ABCA2: variants seen among roughly 807,000 people sequenced by gnomAD.
ABCA2 encodes the protein ATP binding cassette subfamily A member 2.
A neutral mutation model predicts 262.8 loss-of-function variants in ABCA2; 84 were observed. The observed-to-expected ratio is 0.32, with a 90% CI of 0.27 to 0.38. ABCA2 has a LOEUF of 0.38. Ranked by LOEUF, ABCA2 falls within the 10% of genes least tolerant of loss-of-function variation. The probability of loss-of-function intolerance (pLI) is 1.00; values close to 1 mark genes in which losing one functional copy is unlikely to be tolerated. For synonymous variants in ABCA2, 1,696 were observed against 1,502.9 expected (o/e 1.13, Z -2.97); for missense variants, 2,662 against 3,405.9 (o/e 0.78, Z 5.44).
At position 137,019,241 on chromosome 9, in the gene ABCA2, C is replaced by G. The variant is rs549856095; in HGVS notation, c.1491G>C (p.Ser497=). ...GCTCCAGGAAGCTGCGGATCTCCGC[C>G]GAGATGTTGAGCCAGACCTGGGCAT... is the stretch of plus-strand genomic sequence containing the variant. ...THYAQVWLNI[S]AEIRSFLEQG... The change falls in exon 11 of 49, where the codon TCG becomes TCC. Residue 497 remains serine, a synonymous_variant. Coordinates refer to ENST00000341511, the MANE Select transcript of ABCA2 (RefSeq NM_001606.5). The surrounding 1 kb of genome is among the most constrained non-coding windows in gnomAD (Gnocchi z 4.4). The G allele has an allele frequency of 1.9e-6, 3 of 1,612,638 alleles. No homozygotes were observed. The highest frequency in any genetic ancestry group is 2.2e-5 in the East Asian group (1 of 44,862).
rs191623506 is a variant in ABCA2 at position 137,018,562 on chromosome 9, C to T, written c.1819+157G>A. ...GAGGGGGCGGGTTGTGGGTTGGGGC[C>T]GTTTGGAAGGGGCAGGGGTGGGGAG... On this transcript the variant is annotated intron_variant, in intron 13 of 48. Transcript: ENST00000341511. Among the ~76,000 whole-genome samples, 5 of 91,950 alleles carry T rather than the reference C, an allele frequency of 5.4e-5. No individual in the cohort carries two copies. In the East Asian group the frequency reaches 2.0e-3, roughly 36 times the overall value. The allele number at this position is 91,950 out of a possible 152,430, so 60.3% of individuals were successfully genotyped here.
chr9:137,007,538 G>A lies in ABCA2; in HGVS notation c.*391C>T, dbSNP rs139848278. ...CCAGCTCCGCCCACAGCCCGCTCTC[G>A]GCATCAGCCTTCATCGTAAGAGAGA... On this transcript the variant is annotated 3_prime_UTR_variant, in exon 49 of 49. Transcript: ENST00000341511. 1,749 of 282,176 alleles carry A rather than the reference G, an allele frequency of 6.2e-3. 9 individuals carry two copies. Among genetic ancestry groups the A allele is most frequent in the African/African-American group, 7.6e-3 (335 of 44,364 alleles). 17.5% of individuals were successfully genotyped at this position (282,176 alleles called of 1,614,324 possible).
chr9:137,008,370 G>A, intron 48 of ABCA2, 46 bp downstream of exon 48: 1 of 1,545,434 alleles, frequency 6.5e-7, no homozygotes, highest in East Asian at 2.4e-5. Flanking sequence ...GGCAGCCTGG[G>A]TCCAGTGGGC....
rs184422644 is a variant in ABCA2 at position 137,012,767 on chromosome 9, C to T, written c.5026G>A (p.Gly1676Ser). ...AGCAGGTACTCAGAGACATTGTGGCCGGTGATGTCGGTCAGGATGTCGCCT... is the reference window on the plus strand; with the variant it reads ...AGCAGGTACTCAGAGACATTGTGGCTGGTGATGTCGGTCAGGATGTCGCCT... ...VTGDILTDIT[G>S]HNVSEYLLFT... Residue 1676 changes from glycine (G) to serine (S), a missense_variant, in exon 31 of 49, where the codon GGC (glycine) becomes AGC (serine). Coordinates refer to ENST00000341511, the MANE Select transcript of ABCA2 (RefSeq NM_001606.5). 3.5e-4 allele frequency: 566 copies of T among 1,612,638 alleles called. 3 individuals are homozygous for T. In the East Asian group the frequency reaches 8.1e-3, roughly 23 times the overall value.
rs1457851870 is a variant in ABCA2, at chr9:137,015,459, G to A, written c.3652C>T (p.Arg1218Cys). The A allele has an allele frequency of 6.3e-6, 10 of 1,588,720 alleles. No individual in the cohort carries two copies. Among genetic ancestry groups the A allele is most frequent in the African/African-American group, 4.0e-5 (3 of 74,222 alleles). Reference protein sequence around the residue: ...FLKGTYGDGYRLTLVKRPAEP... With the variant: ...FLKGTYGDGYCLTLVKRPAEP... Reference sequence around the variant, plus strand: ...GCGGGCCGCTTGACCAGCGTGAGGCGGTACCCGTCGCCATAGGTGCCCTTG... The same window carrying A: ...GCGGGCCGCTTGACCAGCGTGAGGCAGTACCCGTCGCCATAGGTGCCCTTG... Residue 1218 changes from arginine (R) to cysteine (C), a missense_variant, in exon 24 of 49, where the codon CGC becomes TGC. Coordinates refer to ENST00000341511, the MANE Select transcript of ABCA2 (RefSeq NM_001606.5).
In ABCA2 at chr9:137,009,610, C is replaced by T. The variant is rs1239736622; in HGVS notation, c.6665G>A (p.Arg2222Gln). The change falls in exon 44 of 49, where the codon CGG (arginine) becomes CAG (glutamine). Residue 2222 changes from arginine (R) to glutamine (Q), a missense_variant. Physicochemically the swap from Arg to Gln is conservative, Grantham distance 43 (BLOSUM62 1). Around this residue, in one of 12 missense-constraint regions of ABCA2, gnomAD observed 602 missense variants for 897.4 expected, o/e 0.67. Transcript: ENST00000341511. Reference sequence around the variant, plus strand: ...AAGGATGAGGTTCCAGAGGAAGCGCCGGGCCTTGGGGTCCATGCCTGTGGT... The same window carrying T: ...AAGGATGAGGTTCCAGAGGAAGCGCTGGGCCTTGGGGTCCATGCCTGTGGT... ...EPTTGMDPKA[R>Q]RFLWNLILDL... 6.2e-7 allele frequency: 1 copy of T among 1,612,908 alleles called. No individual in the cohort carries two copies. The highest frequency in any genetic ancestry group is 8.5e-7 in the Non-Finnish European group (1 of 1,179,896).
Position 137,014,591 on chromosome 9 carries a change from C to G in ABCA2, c.4003+99G>C, listed in dbSNP as rs926069475. On this transcript the variant is annotated intron_variant, in intron 26 of 48. Transcript: ENST00000341511. ...GCGTCCCCTGGCTTCCACCCAGGAC[C>G]AGGGTGGCGCCCCCAGACACCAGGC... is the stretch of plus-strand genomic sequence containing the variant. The G allele has an allele frequency of 4.0e-6, 6 of 1,512,674 alleles. No individual in the cohort carries two copies. In the East Asian group the frequency reaches 1.5e-4, roughly 37 times the overall value. The allele number at this position is 1,512,674 out of a possible 1,614,324, so 93.7% of individuals were successfully genotyped here. A position where few individuals can be genotyped will look rare whatever the true frequency, so the allele number is the denominator to read the frequency against.
Position 137,013,257 on chromosome 9 carries a change from C to A in ABCA2, c.4612G>T (p.Gly1538Trp). The stretch of plus-strand genomic sequence containing the variant: ...TTGAGCACGCAGGTGGCACCCACCC[C>A]CGACGGCAGCCGGAACGTGCTCACG... ...QLVSTFRLPS[G>W]VGATCVLKSP... The change falls in exon 30 of 49, where the codon GGG (glycine) becomes TGG (tryptophan). Residue 1538 changes from glycine (G) to tryptophan (W), a missense_variant. Physicochemically the swap from Gly to Trp is radical, Grantham distance 184. Around this residue, in one of 12 missense-constraint regions of ABCA2, gnomAD observed 192 missense variants for 207.2 expected, o/e 0.93. Transcript: ENST00000341511. The A allele has an allele frequency of 6.3e-7, 1 of 1,592,720 alleles. No individual in the cohort carries two copies. Among genetic ancestry groups the A allele is most frequent in the Non-Finnish European group, 8.5e-7 (1 of 1,174,604 alleles).
intron 1 of ABCA2, among the ~76,000 whole-genome samples, chr9:137,026,817 C>T (rs1253912582): frequency 1.3e-5 from 2 of 152,238 alleles, no homozygotes; most frequent in African/African-American, 2.4e-5. Context: ...CATGCCACAT[C>T]CCTGTTCCCT....
Position 137,018,024 on chromosome 9 carries a change from T to C in ABCA2, c.2045A>G (p.Glu682Gly). 6.2e-7 allele frequency: 1 copy of C among 1,612,758 alleles called. No individual in the cohort carries two copies. The highest frequency in any genetic ancestry group is 8.5e-7 in the Non-Finnish European group (1 of 1,179,968). ...GAACATCTGCACGTAGCTGCCTGGC[T>C]CCACCACATCGTGCCCCACAAAAGT... The part of the protein sequence containing the change: ...IDTFVGHDVV[E>G]PGSYVQMFPY... The change falls in exon 15 of 49, where the codon GAG becomes GGG. Residue 682 changes from glutamate to glycine, a missense_variant. Coordinates refer to ENST00000341511, the MANE Select transcript of ABCA2 (RefSeq NM_001606.5).
In ABCA2 at chr9:137,019,963, C is replaced by A; in HGVS notation, c.1425+373G>T. 1 of 264,330 alleles carries A rather than the reference C, an allele frequency of 3.8e-6. No individual in the cohort carries two copies. Among genetic ancestry groups the A allele is most frequent in the South Asian group, 4.2e-5 (1 of 23,798 alleles). 16.4% of individuals were successfully genotyped at this position (264,330 alleles called of 1,614,324 possible). A position where few individuals can be genotyped will look rare whatever the true frequency, so the allele number is the denominator to read the frequency against. Reference sequence around the variant, plus strand: ...CCTCCCCTCCCAGGCCAATGTCCAGCCCTGGCCTCTGCTTGTTCCAGACAG... The same window carrying A: ...CCTCCCCTCCCAGGCCAATGTCCAGACCTGGCCTCTGCTTGTTCCAGACAG... On this transcript the variant is annotated intron_variant, in intron 10 of 48. Transcript: ENST00000341511. This position sits in a 1 kb window ranked among gnomAD's most constrained non-coding sequence, Gnocchi z 4.4.
At position 137,020,030 on chromosome 9, in the gene ABCA2, C is replaced by T. The variant is rs12348702; in HGVS notation, c.1425+306G>A. The T allele has an allele frequency of 3.3e-3, 1,118 of 334,144 alleles. 20 individuals are homozygous for T. Among genetic ancestry groups the T allele is most frequent in the African/African-American group, 0.021 (969 of 46,176 alleles). 20.7% of individuals were successfully genotyped at this position (334,144 alleles called of 1,614,324 possible). ...CCCAAACTGCCCAGCTGCCCGCCCA[C>T]GAGACACTCTGGAAGGTCTCTGGAC... is the stretch of plus-strand genomic sequence containing the variant. On this transcript the variant is annotated intron_variant, in intron 10 of 48. Coordinates refer to ENST00000341511, the MANE Select transcript of ABCA2 (RefSeq NM_001606.5).
intron 15 of ABCA2, 28 bp downstream of exon 15, chr9:137,017,945 G>A: frequency 6.2e-7 from 1 of 1,612,208 alleles, no homozygotes; most frequent in Non-Finnish European, 8.5e-7. Context: ...CCCAGCCCCA[G>A]CCCCAGCCCC....
intron 13 of ABCA2, 31 bp from the exon 14 acceptor site, chr9:137,018,382 A>T: frequency 3.1e-6 from 2 of 652,486 alleles, no homozygotes; most frequent in Non-Finnish European, 4.3e-6. Context: ...CGGGGCCAAG[A>T]TGCAGGGGCG....
chr9:137,019,634 C>G lies in ABCA2; in HGVS notation c.1426-328G>C, dbSNP rs1259210119. On this transcript the variant is annotated intron_variant, in intron 10 of 48. Transcript: ENST00000341511. The surrounding 1 kb of genome is among the most constrained non-coding windows in gnomAD (Gnocchi z 4.4). Reference sequence around the variant, plus strand: ...ACGGGCTTCCGCTATGTTGCTCGGGCTTGTCTCAAACTCCTGAGCTCAAGC... The same window carrying G: ...ACGGGCTTCCGCTATGTTGCTCGGGGTTGTCTCAAACTCCTGAGCTCAAGC... 3.6e-6 allele frequency: 1 copy of G among 277,436 alleles called. No homozygotes were observed. Among genetic ancestry groups the G allele is most frequent in the African/African-American group, 2.3e-5 (1 of 43,868 alleles). The allele number at this position is 277,436 out of a possible 1,614,324, so 17.2% of individuals were successfully genotyped here. A position where few individuals can be genotyped will look rare whatever the true frequency, so the allele number is the denominator to read the frequency against.
At position 137,021,493 on chromosome 9, in the gene ABCA2, C is replaced by T; in HGVS notation, c.796G>A (p.Asp266Asn). The part of the protein sequence containing the change: ...SQKGALQGYR[D>N]AVCSGQAAAR... ...GCAGCCTGCCCACTGCAGACAGCATCCCGGTAGCCCTGCAGGGCTCCCTTC... is the reference window on the plus strand; with the variant it reads ...GCAGCCTGCCCACTGCAGACAGCATTCCGGTAGCCCTGCAGGGCTCCCTTC... Residue 266 changes from aspartate to asparagine, a missense_variant, in exon 8 of 49, where the codon GAT becomes AAT. Physicochemically the swap from Asp to Asn is conservative, Grantham distance 23 (BLOSUM62 1). Around this residue, in one of 12 missense-constraint regions of ABCA2, gnomAD observed 403 missense variants for 375.9 expected, o/e 1.07. Transcript: ENST00000341511. This position sits in a 1 kb window ranked among gnomAD's most constrained non-coding sequence, Gnocchi z 6.0. 6.2e-7 allele frequency: 1 copy of T among 1,610,594 alleles called. No individual in the cohort carries two copies. Among genetic ancestry groups the T allele is most frequent in the Non-Finnish European group, 8.5e-7 (1 of 1,179,038 alleles).
At chr9:137,014,425 A>G (rs542614840) in intron 26 of ABCA2, 21 bp from the exon 27 acceptor site, 2 of 1,567,936 alleles carry the variant, frequency 1.3e-6, no homozygotes, top group Non-Finnish European at 1.7e-6. Flanking sequence ...GGAAGGGCCG[A>G]GGGGACACTC....
Position 137,007,484 on chromosome 9 carries a change from T to C in ABCA2, c.*445A>G. The C allele has an allele frequency of 5.4e-6, 1 of 183,536 alleles. No homozygotes were observed. Among genetic ancestry groups the C allele is most frequent in the South Asian group, 9.1e-5 (1 of 10,944 alleles). 11.4% of individuals were successfully genotyped at this position (183,536 alleles called of 1,614,324 possible). On this transcript the variant is annotated 3_prime_UTR_variant, in exon 49 of 49. Transcript: ENST00000341511. ...GGAGAGCAGGGCCAGAGGAGCCTCT[T>C]CTCAAAGCAAAATAAATACGGGACT...
chr9:137,015,350 T>C, intron 24 of ABCA2, 64 bp downstream of exon 24: 1 of 1,489,692 alleles, frequency 6.7e-7, no homozygotes. Flanking sequence ...CCATTGTGGA[T>C]TCTCAGGTGG....
Sources: allele counts gnomAD v4.1 joint callset (sites outside exome capture counted in the v4.1 genomes callset), GRCh38; gene constraint gnomAD v4.1.1; regional missense constraint gnomAD v4.1.1; non-coding constraint Gnocchi (gnomAD v3.1); transcripts MANE v1.5; gene names NCBI Gene and HGNC (gene_info 2026-07-23, HGNC 2026-07-21).